Variants in CRNKL1 observed in about 807,000 individuals in gnomAD.
CRNKL1 encodes crooked neck-like protein 1.
CRNKL1 carries 35 observed loss-of-function variants against 103.7 expected under a neutral mutation model. That is an observed-to-expected ratio of 0.34 (90% CI 0.26 to 0.45). The LOEUF (loss-of-function observed/expected upper bound fraction) is 0.45, where lower values mean the gene tolerates loss of function less well. Ranked by LOEUF, CRNKL1 falls within the 20% of genes least tolerant of loss-of-function variation. The pLI is 1.00. For missense variants in CRNKL1, 645 were observed against 836.0 expected (o/e 0.77, Z 2.82); for synonymous variants, 267 against 282.6 (o/e 0.94, Z 0.55).
intron 9 of CRNKL1, among the ~76,000 whole-genome samples, chr20:20,041,269 G>GTGTC (rs1250223478): frequency 2.0e-5 from 3 of 152,244 alleles, no homozygotes; most frequent in African/African-American, 7.2e-5. Context: ...ACCCGCCTGT[G>GTGTC]TGTCCCCCGC....
Position 20,052,405 on chromosome 20 carries a change from A to G in CRNKL1, c.-63T>C. Reference sequence around the variant, plus strand: ...ACGGACGCTAGAAATCGGCTCTGAGAGCTCACCGAAACCACAAAGCTTTCA... The same window carrying G: ...ACGGACGCTAGAAATCGGCTCTGAGGGCTCACCGAAACCACAAAGCTTTCA... On this transcript the variant is annotated 5_prime_UTR_variant, in exon 1 of 14. Transcript: ENST00000536226. The G allele has an allele frequency of 6.2e-7, 1 of 1,614,142 alleles. No individual in the cohort carries two copies. The highest frequency in any genetic ancestry group is 8.5e-7 in the Non-Finnish European group (1 of 1,180,026).
chr20:20,039,870 C>A (rs2043484174), intron 10 of CRNKL1, 22 bp from the exon 11 acceptor site: 1 of 1,610,716 alleles, frequency 6.2e-7, no homozygotes, highest in Non-Finnish European at 8.5e-7. Context: ...AATAACCAGA[C>A]CACTGTGATA....
intron 3 of CRNKL1, among the ~76,000 whole-genome samples, chr20:20,049,056 A>ACAC (rs540842588): frequency 6.6e-6 from 1 of 152,026 alleles, no homozygotes. Context: ...TTTAGCTGAA[A>ACAC]TTTGTAAAAA....
chr20:20,049,791 C>T (rs1309616927), intron 2 of CRNKL1, among the ~76,000 whole-genome samples: 1 of 151,820 alleles, frequency 6.6e-6, no homozygotes, highest in Non-Finnish European at 1.5e-5. Flanking sequence ...CTTTTGCAGA[C>T]CTCAATTCCT....
At chr20:20,054,603 T>A (rs903768654), upstream of CRNKL1, among the ~76,000 whole-genome samples, 1 of 152,228 alleles carries the variant, frequency 6.6e-6, no homozygotes, top group Non-Finnish European at 1.5e-5. Context: ...TGTCTCTGGT[T>A]GTTACTGTGC....
At chr20:20,046,576 A>G (rs1246686907) in intron 5 of CRNKL1, among the ~76,000 whole-genome samples, 1 of 152,250 alleles carries the variant, frequency 6.6e-6, no homozygotes, top group Admixed American at 6.5e-5. Context: ...ACAATCTCAC[A>G]TTCATCATCA....
At chr20:20,047,050 C>T (rs982270469) in intron 5 of CRNKL1, among the ~76,000 whole-genome samples, 8 of 152,142 alleles carry the variant, frequency 5.3e-5, no homozygotes, top group African/African-American at 1.9e-4. Flanking sequence ...AAGAGGACAC[C>T]AACTCTCAAA....
Position 20,050,519 on chromosome 20 carries a change from T to A in CRNKL1, c.155A>T (p.Lys52Met), listed in dbSNP as rs773980128. 6.2e-7 allele frequency: 1 copy of A among 1,614,084 alleles called. No individual in the cohort carries two copies. The highest frequency in any genetic ancestry group is 8.5e-7 in the Non-Finnish European group (1 of 1,179,954). ...LELLPPPPQQ[K>M]ITDEEELNDY... ...ATTTAATTCTTCTTCATCTGTGATC[T>A]TCTGTTGAGGTGGAGGTGGAAGAAG... Residue 52 changes from lysine (K) to methionine (M), a missense_variant, in exon 2 of 14, where the codon AAG (lysine) becomes ATG (methionine). Transcript: ENST00000536226.
In CRNKL1 at chr20:20,046,359, G is replaced by A. The variant is rs565303110; in HGVS notation, c.623-873C>T. ...CGTAGCAAGTGCTATAAAAGCTTTC[G>A]TCAAACTAATAATATTAAAATTAGT... On this transcript the variant is annotated intron_variant, in intron 5 of 13. Transcript: ENST00000536226. 3.9e-5 allele frequency among the ~76,000 whole-genome samples: 6 copies of A among 152,186 alleles called. No homozygotes were observed. In the South Asian group the frequency reaches 8.3e-4, roughly 21 times the overall value.
intron 3 of CRNKL1, among the ~76,000 whole-genome samples, 168 bp downstream of exon 3, chr20:20,049,172 G>A (rs11698131): frequency 0.014 from 2,138 of 151,850 alleles, 22 homozygotes; most frequent in Non-Finnish European, 0.024. Flanking sequence ...TTCTACCCCA[G>A]TACTCCTGAG....
chr20:20,044,106 A>G (rs1269844804), intron 6 of CRNKL1, among the ~76,000 whole-genome samples: 3 of 152,028 alleles, frequency 2.0e-5, no homozygotes, highest in Admixed American at 1.3e-4. Flanking sequence ...TCTCTTCCAC[A>G]CAGCCATTTG....
upstream of CRNKL1, chr20:20,052,637 C>T (rs752316306): frequency 2.8e-5 from 45 of 1,613,210 alleles, no homozygotes; most frequent in Non-Finnish European, 3.7e-5. Flanking sequence ...GACTGCGGTG[C>T]AGGGCGTCCA....
upstream of CRNKL1, chr20:20,052,719 C>A: frequency 6.2e-7 from 1 of 1,607,404 alleles, no homozygotes; most frequent in Non-Finnish European, 8.5e-7. Flanking sequence ...CGAGCCGTGG[C>A]GCCCTGCAAG....
At chr20:20,044,519 G>A (rs545933455) in intron 6 of CRNKL1, among the ~76,000 whole-genome samples, 1 of 152,196 alleles carries the variant, frequency 6.6e-6, no homozygotes, top group Non-Finnish European at 1.5e-5. Flanking sequence ...TCCTTCGAGT[G>A]TCATGTCAGC....
Position 20,034,919 on chromosome 20 carries a change from A to C in CRNKL1, c.*1276T>G, listed in dbSNP as rs2043395639. 1 of 152,248 alleles carries C rather than the reference A, an allele frequency of 6.6e-6. No individual in the cohort carries two copies. Among genetic ancestry groups the C allele is most frequent in the Non-Finnish European group, 1.5e-5 (1 of 68,044 alleles). 9.4% of individuals were successfully genotyped at this position (152,248 alleles called of 1,614,324 possible). ...TTACTAAAGGTCCTTTTAGGGGAAA[A>C]CAACCTTAAAAATACAGTTCTAGTC... On this transcript the variant is annotated 3_prime_UTR_variant, in exon 14 of 14. Transcript: ENST00000536226.
chr20:20,045,356 A>C lies in CRNKL1; in HGVS notation c.753T>G (p.Asp251Glu). Residue 251 changes from aspartate to glutamate, a missense_variant, in exon 6 of 14, where the codon GAT becomes GAG. Asp to Glu is a conservative substitution (Grantham distance 45). Coordinates refer to ENST00000536226, the MANE Select transcript of CRNKL1 (RefSeq NM_001278628.2). Reference protein sequence around the residue: ...AVEFFGDEHMDEHLYVAFAKF... With the variant: ...AVEFFGDEHMEEHLYVAFAKF... ...TGGCAAAGGCAACATAAAGGTGCTC[A>C]TCCATATGTTCATCTCCAAAGAATT... 1.2e-6 allele frequency: 2 copies of C among 1,613,728 alleles called. No homozygotes were observed. Among genetic ancestry groups the C allele is most frequent in the Non-Finnish European group, 1.7e-6 (2 of 1,179,860 alleles).
rs903212691 is a variant in CRNKL1 at position 20,034,555 on chromosome 20, A to G, written c.*1640T>C. On this transcript the variant is annotated 3_prime_UTR_variant, in exon 14 of 14. Transcript: ENST00000536226. ...TTATGCATTCATGCAACATAAACAGATAATTCTAGGAAGACTGTGATTAAG... is the reference window on the plus strand; with the variant it reads ...TTATGCATTCATGCAACATAAACAGGTAATTCTAGGAAGACTGTGATTAAG... 26 of 152,168 alleles carry G rather than the reference A, an allele frequency of 1.7e-4. No homozygotes were observed. Among genetic ancestry groups the G allele is most frequent in the African/African-American group, 6.3e-4 (26 of 41,422 alleles). The allele number at this position is 152,168 out of a possible 1,614,324, so 9.4% of individuals were successfully genotyped here.
In CRNKL1 at chr20:20,047,791, T is replaced by C. The variant is rs778991040; in HGVS notation, c.596A>G (p.Asp199Gly). The change falls in exon 5 of 14, where the codon GAT becomes GGT. Residue 199 changes from aspartate to glycine, a missense_variant. Around this residue, in one of 2 missense-constraint regions of CRNKL1, gnomAD observed 582 missense variants for 707.7 expected, o/e 0.82. Transcript: ENST00000536226. ...TCGCTCATAAATGGTGCGGGCCCGA[T>C]CCACCTCTTTGTATCTCAGCTCAAA... ...INFELRYKEV[D>G]RARTIYERFV... is the part of the protein sequence containing the mutation. 1.2e-6 allele frequency: 2 copies of C among 1,614,212 alleles called. No individual in the cohort carries two copies. Among genetic ancestry groups the C allele is most frequent in the Non-Finnish European group, 1.7e-6 (2 of 1,180,038 alleles).
chr20:20,054,793 T>A (rs1231385977), upstream of CRNKL1, among the ~76,000 whole-genome samples: 1 of 152,376 alleles, frequency 6.6e-6, no homozygotes, highest in African/African-American at 2.4e-5. Context: ...TTTGTCAGGT[T>A]CCTTTAAAGT....
Sources: allele counts gnomAD v4.1 joint callset (sites outside exome capture counted in the v4.1 genomes callset), GRCh38; gene constraint gnomAD v4.1.1; regional missense constraint gnomAD v4.1.1; transcripts MANE v1.5; gene names NCBI Gene and HGNC (gene_info 2026-07-23, HGNC 2026-07-21).